The following PIK3CB variants were observed in gnomAD, a reference collection of about 807,000 sequenced individuals.
PIK3CB encodes the protein phosphatidylinositol 4,5-bisphosphate 3-kinase catalytic subunit beta isoform.
PIK3CB carries 39 observed loss-of-function variants against 136.8 expected under a neutral mutation model. That is an observed-to-expected ratio of 0.29 (90% CI 0.22 to 0.37). The LOEUF is 0.37. Among genes scored for constraint, PIK3CB ranks in the 10% least tolerant of loss-of-function variants. The probability of loss-of-function intolerance (pLI) is 1.00; values close to 1 mark genes in which losing one functional copy is unlikely to be tolerated. For synonymous variants in PIK3CB, 428 were observed against 436.6 expected, an observed-to-expected ratio of 0.98 and a Z score of 0.25; for missense variants, 868 against 1,275.4, an observed-to-expected ratio of 0.68 and a Z score of 4.87.
intron 1 of PIK3CB, among the ~76,000 whole-genome samples, chr3:138,826,696 T>G (rs927117300): frequency 4.6e-5 from 7 of 151,872 alleles, no homozygotes; most frequent in Non-Finnish European, 1.0e-4. Context: ...TACACATACA[T>G]TCTTACAACA....
intron 19 of PIK3CB, among the ~76,000 whole-genome samples, chr3:138,665,691 C>T (rs1323684663): frequency 3.9e-5 from 6 of 152,190 alleles, no homozygotes; most frequent in Non-Finnish European, 7.4e-5. Context: ...ACCTCAGCCT[C>T]CTGAGTAGCT....
At chr3:138,742,855 T>C (rs2045272582) in intron 4 of PIK3CB, 74 bp from the exon 5 acceptor site, 1 of 819,942 alleles carries the variant, frequency 1.2e-6, no homozygotes, top group South Asian at 2.0e-5. Flanking sequence ...ATACAAAGTA[T>C]ATTCAACAAA....
chr3:138,750,139 A>C (rs1174289931), intron 4 of PIK3CB, among the ~76,000 whole-genome samples: 2 of 152,126 alleles, frequency 1.3e-5, no homozygotes, highest in African/African-American at 2.4e-5. Flanking sequence ...TTATCCTCCC[A>C]AAGTACTGGG....
At position 138,657,906 on chromosome 3, in the gene PIK3CB, T is replaced by C. The variant is rs1281476812; in HGVS notation, c.2797-71A>G. ...TCCAAATATAAAGGCAAAACCTCCA[T>C]AGTCCTAGACCCCCAGGAACTATAC... On this transcript the variant is annotated intron_variant, in intron 21 of 23. Transcript: ENST00000674063. The C allele has an allele frequency of 9.6e-6, 14 of 1,461,692 alleles. No individual in the cohort carries two copies. The African/African-American group carries it at 1.3e-4, about 13-fold the overall frequency. The allele number at this position is 1,461,692 out of a possible 1,614,324, so 90.5% of individuals were successfully genotyped here. A position where few individuals can be genotyped will look rare whatever the true frequency, so the allele number is the denominator to read the frequency against.
At position 138,785,276 on chromosome 3, in the gene PIK3CB, G is replaced by A. The variant is rs556152733; in HGVS notation, c.-17+11187C>T. On this transcript the variant is annotated intron_variant, in intron 2 of 23. Coordinates refer to ENST00000674063, the MANE Select transcript of PIK3CB (RefSeq NM_006219.3). ...GCCCGGCAGCCGCCCCCTCCAGGAG[G>A]TGGGGGGGCGCCTCTGCCAGGCCGC... is the stretch of plus-strand genomic sequence containing the variant. 3.7e-3 allele frequency among the ~76,000 whole-genome samples: 565 copies of A among 151,178 alleles called. 4 individuals are homozygous for A. Among genetic ancestry groups the A allele is most frequent in the Admixed American group, 4.7e-3 (72 of 15,262 alleles).
At chr3:138,786,742 A>G (rs899756447) in intron 2 of PIK3CB, among the ~76,000 whole-genome samples, 5 of 152,156 alleles carry the variant, frequency 3.3e-5, no homozygotes, top group African/African-American at 7.2e-5. Context: ...AAAACTATTT[A>G]ATAACATGTG....
In PIK3CB at chr3:138,704,398, G is replaced by A. The variant is rs764472506; in HGVS notation, c.1581+45C>T. 14 of 1,289,476 alleles carry A rather than the reference G, an allele frequency of 1.1e-5. No homozygotes were observed. The South Asian group carries it at 1.7e-4, about 15-fold the overall frequency. 79.9% of individuals were successfully genotyped at this position (1,289,476 alleles called of 1,614,324 possible). On this transcript the variant is annotated intron_variant, in intron 12 of 23. Transcript: ENST00000674063. ...ATGAGGCAAAGATACCTAATAATGT[G>A]CACAACTCCATAAGAAAGGGCCATT... is the stretch of plus-strand genomic sequence containing the variant.
At chr3:138,702,510 G>A (rs1342125318) in intron 12 of PIK3CB, among the ~76,000 whole-genome samples, 1 of 152,142 alleles carries the variant, frequency 6.6e-6, no homozygotes, top group Non-Finnish European at 1.5e-5. Flanking sequence ...GTTTATGGTG[G>A]AAATAGTAAA....
chr3:138,707,095 A>G (rs1178904600), intron 11 of PIK3CB, 64 bp downstream of exon 11: 2 of 1,005,422 alleles, frequency 2.0e-6, no homozygotes, highest in Non-Finnish European at 3.2e-6. Flanking sequence ...AGCTTAAACT[A>G]TACATAGAGG....
intron 1 of PIK3CB, among the ~76,000 whole-genome samples, chr3:138,817,128 G>A (rs1352289811): frequency 2.0e-5 from 3 of 151,868 alleles, no homozygotes; most frequent in Non-Finnish European, 4.4e-5. Context: ...CACGAGGTCT[G>A]GAGATCGAGA....
chr3:138,811,396 T>C (rs1307315278), intron 1 of PIK3CB, among the ~76,000 whole-genome samples: 1 of 151,962 alleles, frequency 6.6e-6, no homozygotes, highest in Non-Finnish European at 1.5e-5. Flanking sequence ...GTTTTCTAAA[T>C]GTGGTAACTA....
At chr3:138,702,151 A>T (rs1285522115) in intron 12 of PIK3CB, among the ~76,000 whole-genome samples, 1 of 150,300 alleles carries the variant, frequency 6.7e-6, no homozygotes, top group Non-Finnish European at 1.5e-5. Context: ...CTGTCATAAC[A>T]GCCTCAACTT....
intron 14 of PIK3CB, 120 bp downstream of exon 14, chr3:138,694,666 G>T: frequency 9.5e-7 from 1 of 1,052,776 alleles, no homozygotes; most frequent in Non-Finnish European, 1.4e-6. Flanking sequence ...ATGAGCAAAT[G>T]CTTTGAACTG....
chr3:138,765,962 C>G (rs2045727887), intron 2 of PIK3CB, among the ~76,000 whole-genome samples: 1 of 151,366 alleles, frequency 6.6e-6, no homozygotes, highest in Non-Finnish European at 1.5e-5. Context: ...TTCAGGTAGC[C>G]CATGTATCTT....
chr3:138,824,610 T>A (rs1435851267), intron 1 of PIK3CB, among the ~76,000 whole-genome samples: 1 of 151,810 alleles, frequency 6.6e-6, no homozygotes, highest in Non-Finnish European at 1.5e-5. Flanking sequence ...GGAGAATCAC[T>A]TGAACCCGGG....
In PIK3CB at chr3:138,705,155, C is replaced by CA. The variant is rs1312893752; in HGVS notation, c.1531-663dup. ...AAGACTCTCCAAGAGATTAGAAAGGCAAAAAAAAAAAAAAAAAACAAAAAA... is the reference window on the plus strand; with the variant it reads ...AAGACTCTCCAAGAGATTAGAAAGGCAAAAAAAAAAAAAAAAAAACAAAAAA... On this transcript the variant is annotated intron_variant, in intron 11 of 23. Transcript: ENST00000674063. 7.5e-3 allele frequency among the ~76,000 whole-genome samples: 222 copies of CA among 29,764 alleles called. 10 individuals carry two copies. The highest frequency in any genetic ancestry group is 0.012 in the South Asian group (6 of 508). The allele number at this position is 29,764 out of a possible 152,430, so 19.5% of individuals were successfully genotyped here.
intron 10 of PIK3CB, among the ~76,000 whole-genome samples, chr3:138,710,841 C>T (rs138320210): frequency 0.032 from 4,848 of 151,388 alleles, 263 homozygotes; most frequent in African/African-American, 0.11. Context: ...TCCCAGCACT[C>T]TGGGAGGCTG....
chr3:138,810,487 T>C (rs994730542), intron 1 of PIK3CB, among the ~76,000 whole-genome samples: 1 of 152,080 alleles, frequency 6.6e-6, no homozygotes, highest in Non-Finnish European at 1.5e-5. Flanking sequence ...AATGGCACTT[T>C]ACTTCCGTGG....
At chr3:138,784,339 G>A (rs1300134809) in intron 2 of PIK3CB, among the ~76,000 whole-genome samples, 3 of 152,092 alleles carry the variant, frequency 2.0e-5, no homozygotes. Flanking sequence ...CTAAGATCAC[G>A]CCACTGCACT....
Sources: gnomAD v4.1 joint callset for allele counts (sites outside exome capture counted in the v4.1 genomes callset) on GRCh38, gnomAD v4.1.1 for gene constraint, MANE v1.5 for transcripts, NCBI Gene and HGNC (gene_info 2026-07-23, HGNC 2026-07-21) for gene names.